Variants in QTMAN observed in about 807,000 individuals in gnomAD.
The protein encoded by QTMAN is tRNA-queuosine alpha-mannosyltransferase.
the QTMAN span, among the ~76,000 whole-genome samples, chr2:144,090,165 T>C: frequency 6.6e-6 from 1 of 151,978 alleles, no homozygotes; most frequent in Non-Finnish European, 1.5e-5. Flanking sequence ...ACATCCAATA[T>C]CCACTCCTGA....
chr2:144,164,061 C>G, the QTMAN span, among the ~76,000 whole-genome samples: 4 of 151,714 alleles, frequency 2.6e-5, no homozygotes, highest in Admixed American at 1.3e-4. Context: ...TAGCTGGGAC[C>G]ACAGGTGTGC....
the QTMAN span, among the ~76,000 whole-genome samples, chr2:144,206,793 C>T: frequency 6.6e-6 from 1 of 152,156 alleles, no homozygotes; most frequent in African/African-American, 2.4e-5. Flanking sequence ...TGCTATCACA[C>T]ACATATATTT....
At chr2:144,305,170 T>C in the QTMAN span, among the ~76,000 whole-genome samples, 3 of 152,204 alleles carry the variant, frequency 2.0e-5, no homozygotes, top group Admixed American at 1.3e-4. Context: ...TAAAAAGGCT[T>C]TGACTAACCC....
the QTMAN span, among the ~76,000 whole-genome samples, chr2:144,305,999 G>A: frequency 3.3e-5 from 5 of 152,148 alleles, no homozygotes; most frequent in Non-Finnish European, 7.4e-5. Context: ...TACAAATAGA[G>A]ATAGTTTTAC....
the QTMAN span, among the ~76,000 whole-genome samples, chr2:143,991,199 T>C: frequency 2.6e-5 from 4 of 152,212 alleles, no homozygotes; most frequent in Non-Finnish European, 5.9e-5. Flanking sequence ...GAAGATATTA[T>C]GGTAAATGTT....
the QTMAN span, among the ~76,000 whole-genome samples, chr2:144,032,693 T>C: frequency 1.3e-5 from 2 of 152,202 alleles, no homozygotes; most frequent in South Asian, 4.1e-4. Context: ...ACTTCAACCA[T>C]GAGGACACCA....
At chr2:144,297,987 G>A in the QTMAN span, among the ~76,000 whole-genome samples, 2 of 151,748 alleles carry the variant, frequency 1.3e-5, no homozygotes, top group Non-Finnish European at 2.9e-5. Context: ...CCTCGGTGTG[G>A]TAAAAGTATT....
chr2:144,308,270 G>A, the QTMAN span, among the ~76,000 whole-genome samples: 1,305 of 150,264 alleles, frequency 8.7e-3, 18 homozygotes, highest in African/African-American at 0.03. Flanking sequence ...AGGTTCAAGC[G>A]ATTCTCCTGC....
At chr2:144,217,085 G>C in the QTMAN span, among the ~76,000 whole-genome samples, 2 of 152,098 alleles carry the variant, frequency 1.3e-5, no homozygotes, top group Non-Finnish European at 2.9e-5. Context: ...CCACCTTCTT[G>C]AAATGGGCTG....
At chr2:144,177,131 T>G in the QTMAN span, 28 of 702,078 alleles carry the variant, frequency 4.0e-5, no homozygotes, top group Non-Finnish European at 1.3e-5. Flanking sequence ...CCACCAGGCC[T>G]CACCTGCAAC....
At chr2:144,332,734 C>T in the QTMAN span, among the ~76,000 whole-genome samples, 6 of 152,012 alleles carry the variant, frequency 3.9e-5, no homozygotes, top group Non-Finnish European at 8.8e-5. Flanking sequence ...CGGCTCCTCG[C>T]ACCTGCCCAC....
At chr2:144,211,478 G>T in the QTMAN span, 39 of 152,604 alleles carry the variant, frequency 2.6e-4, no homozygotes, top group Admixed American at 1.6e-3. Context: ...TGCTTGTTTT[G>T]TGGAGACAGA....
the QTMAN span, among the ~76,000 whole-genome samples, chr2:144,275,932 G>A: frequency 6.6e-6 from 1 of 152,096 alleles, no homozygotes; most frequent in Non-Finnish European, 1.5e-5. Flanking sequence ...AACTATAACA[G>A]GGATTCTCAT....
chr2:144,038,932 T>C, the QTMAN span, among the ~76,000 whole-genome samples: 1 of 152,196 alleles, frequency 6.6e-6, no homozygotes, highest in Admixed American at 6.5e-5. Context: ...TCCTTTTTGC[T>C]GGCTTTTATG....
At chr2:144,155,713 C>G in the QTMAN span, among the ~76,000 whole-genome samples, 1 of 152,106 alleles carries the variant, frequency 6.6e-6, no homozygotes, top group Non-Finnish European at 1.5e-5. Flanking sequence ...AGAGCACTAT[C>G]CACAAGTAAA....
chr2:144,112,797 G>A, the QTMAN span, among the ~76,000 whole-genome samples: 2 of 152,172 alleles, frequency 1.3e-5, no homozygotes, highest in Non-Finnish European at 2.9e-5. Context: ...AGTGGGCGAT[G>A]TCAGAGAGGA....
At chr2:144,082,708 C>T in the QTMAN span, among the ~76,000 whole-genome samples, 2 of 152,106 alleles carry the variant, frequency 1.3e-5, no homozygotes, top group Admixed American at 1.3e-4. Context: ...ATTGACCTGC[C>T]AATGATGTCA....
chr2:144,176,356 C>A, the QTMAN span, among the ~76,000 whole-genome samples: 1 of 151,924 alleles, frequency 6.6e-6, no homozygotes, highest in African/African-American at 2.4e-5. Flanking sequence ...TGAAGATGAA[C>A]TTTTTTTACT....
At chr2:144,119,328 G>A in the QTMAN span, among the ~76,000 whole-genome samples, 4 of 152,188 alleles carry the variant, frequency 2.6e-5, no homozygotes, top group African/African-American at 7.2e-5. Context: ...CTACTGCTAT[G>A]AGGAACTATT....
Sources: allele counts gnomAD v4.1 joint callset (sites outside exome capture counted in the v4.1 genomes callset), GRCh38; gene constraint gnomAD v4.1.1; transcripts MANE v1.5; gene names NCBI Gene and HGNC (gene_info 2026-07-23, HGNC 2026-07-21).